Variants in SLC40A1 observed in about 807,000 individuals in gnomAD.
The protein encoded by SLC40A1 is solute carrier family 40 member 1.
Under a neutral mutation model 53.5 loss-of-function variants are expected in SLC40A1, and 16 were observed. The observed-to-expected ratio is 0.30, with a 90% CI of 0.20 to 0.45. The LOEUF is 0.45. SLC40A1 is among the 20% of genes least tolerant of loss of function. The pLI, the probability that SLC40A1 is intolerant of heterozygous loss-of-function variation, is 1.00. For synonymous variants in SLC40A1, 247 were observed against 253.2 expected, an observed-to-expected ratio of 0.98 and a Z score of 0.23; for missense variants, 545 against 695.4, an observed-to-expected ratio of 0.78 and a Z score of 2.43.
chr2:189,574,107 T>C (rs1045553857), intron 3 of SLC40A1, among the ~76,000 whole-genome samples: 5 of 152,182 alleles, frequency 3.3e-5, no homozygotes, highest in Admixed American at 6.5e-5. Context: ...TAAAGAGTAA[T>C]GTATGAGTTG....
Position 189,579,846 on chromosome 2 carries a change from G to A in SLC40A1, c.78C>T (p.Phe26=). ...SLADYLTSAK[F]LLYLGHSLST... ...AGAGAGAATGACCAAGGTAGAGAAG[G>A]AATTTTGCAGAGGTCAGGTAGTCGG... Residue 26 remains phenylalanine (F), a synonymous_variant, in exon 2 of 8, where the codon TTC becomes TTT. Coordinates refer to ENST00000261024, the MANE Select transcript of SLC40A1 (RefSeq NM_014585.6). 1.9e-6 allele frequency: 3 copies of A among 1,614,170 alleles called. No homozygotes were observed. Among genetic ancestry groups the A allele is most frequent in the East Asian group, 2.2e-5 (1 of 44,886 alleles).
intron 2 of SLC40A1, chr2:189,578,304 G>A (rs2031355540): frequency 1.0e-6 from 1 of 1,002,152 alleles, no homozygotes; most frequent in African/African-American, 1.7e-5. Flanking sequence ...TGTAGTTGCT[G>A]CTGTTTGTTT....
chr2:189,568,992 C>T (rs549647640), intron 5 of SLC40A1, among the ~76,000 whole-genome samples: 1 of 152,338 alleles, frequency 6.6e-6, no homozygotes, highest in Admixed American at 6.5e-5. Context: ...TCATAAAACA[C>T]TGTACTAAAT....
intron 3 of SLC40A1, among the ~76,000 whole-genome samples, chr2:189,574,097 T>C (rs2031217008): frequency 6.6e-6 from 1 of 152,198 alleles, no homozygotes; most frequent in Non-Finnish European, 1.5e-5. Context: ...ACATTTTTCA[T>C]AAAGAGTAAT....
At chr2:189,580,357 T>G in intron 1 of SLC40A1, 61 bp downstream of exon 1, 1 of 1,532,042 alleles carries the variant, frequency 6.5e-7, no homozygotes, top group Non-Finnish European at 9.0e-7. Context: ...TCGTGTAGAG[T>G]TGCTTGTCTC....
intron 7 of SLC40A1, 25 bp from the exon 8 acceptor site, chr2:189,562,216 A>G (rs1315368438): frequency 2.0e-6 from 3 of 1,536,302 alleles, no homozygotes; most frequent in Non-Finnish European, 2.7e-6. Context: ...TTTTTTAAAG[A>G]TTAGATTTTA....
chr2:189,569,310 T>C (rs2031048932), intron 5 of SLC40A1, among the ~76,000 whole-genome samples: 1 of 152,228 alleles, frequency 6.6e-6, no homozygotes, highest in South Asian at 2.1e-4. Context: ...TTTCACCCTC[T>C]AAACATATCA....
chr2:189,565,887 T>A (rs1052538604), intron 5 of SLC40A1, among the ~76,000 whole-genome samples: 2 of 152,322 alleles, frequency 1.3e-5, no homozygotes, highest in Non-Finnish European at 2.9e-5. Context: ...TCAACAAATA[T>A]ATCTTAAATG....
chr2:189,568,418 G>A (rs1415485102), intron 5 of SLC40A1, among the ~76,000 whole-genome samples: 3 of 152,182 alleles, frequency 2.0e-5, no homozygotes, highest in Non-Finnish European at 2.9e-5. Context: ...GAACCCAGGA[G>A]GCGGAGCTTG....
chr2:189,575,988 G>A (rs1007210988), intron 2 of SLC40A1, among the ~76,000 whole-genome samples: 3 of 152,134 alleles, frequency 2.0e-5, no homozygotes, highest in Non-Finnish European at 2.9e-5. Flanking sequence ...AAGTAGTTAC[G>A]TTAACATTTT....
chr2:189,575,231 C>A lies in SLC40A1; in HGVS notation c.201G>T (p.Val67=). The part of the protein sequence containing the change: ...SLLLTAVYGL[V]VAGSVLVLGA... ...CCAGGACCAGAACAGACCCTGCCAC[C>A]ACCAGCCCGTAGACTGCTGTCAAAA... The change falls in exon 3 of 8, where the codon GTG becomes GTT. Residue 67 remains valine (V), a synonymous_variant. Coordinates refer to ENST00000261024, the MANE Select transcript of SLC40A1 (RefSeq NM_014585.6). The A allele has an allele frequency of 6.2e-7, 1 of 1,614,182 alleles. No individual in the cohort carries two copies. Among genetic ancestry groups the A allele is most frequent in the Non-Finnish European group, 8.5e-7 (1 of 1,180,004 alleles).
rs13420166 is a variant in SLC40A1, at chr2:189,575,597, C to G, written c.112-277G>C. Among the ~76,000 whole-genome samples, 510 of 152,316 alleles carry G rather than the reference C, an allele frequency of 3.3e-3. 1 individual carries two copies. The highest frequency in any genetic ancestry group is 0.012 in the African/African-American group (492 of 41,578). ...CATTCTAGAAACAAAATGCAGTTTCCAGACCCAAGATGGCTTTTTGAGACA... is the reference window on the plus strand; with the variant it reads ...CATTCTAGAAACAAAATGCAGTTTCGAGACCCAAGATGGCTTTTTGAGACA... On this transcript the variant is annotated intron_variant, in intron 2 of 7. Coordinates refer to ENST00000261024, the MANE Select transcript of SLC40A1 (RefSeq NM_014585.6).
At chr2:189,570,581 C>G (rs2031094395) in intron 5 of SLC40A1, among the ~76,000 whole-genome samples, 1 of 152,154 alleles carries the variant, frequency 6.6e-6, no homozygotes, top group Non-Finnish European at 1.5e-5. Flanking sequence ...TACAGATTCA[C>G]ACATGCTAAA....
At position 189,580,638 on chromosome 2, in the gene SLC40A1, G is replaced by A; in HGVS notation, c.-178C>T. ...AAGAACAAAAGAAAAGGGGCCCAGG[G>A]ATTTTCTTTTTTCCTTCTTTCCAAA... On this transcript the variant is annotated 5_prime_UTR_variant, in exon 1 of 8. Coordinates refer to ENST00000261024, the MANE Select transcript of SLC40A1 (RefSeq NM_014585.6). The A allele has an allele frequency of 2.0e-6, 3 of 1,526,422 alleles. No individual in the cohort carries two copies. Among genetic ancestry groups the A allele is most frequent in the Non-Finnish European group, 8.8e-7 (1 of 1,142,404 alleles). 94.6% of individuals were successfully genotyped at this position (1,526,422 alleles called of 1,614,324 possible).
intron 5 of SLC40A1, among the ~76,000 whole-genome samples, chr2:189,570,064 GTA>G (rs1193243545): frequency 6.7e-6 from 1 of 148,220 alleles, no homozygotes; most frequent in Admixed American, 6.8e-5. Flanking sequence ...ATATATGTAT[GTA>G]TATATATACA....
In SLC40A1 at chr2:189,578,264, G is replaced by A; in HGVS notation, c.111+1549C>T. 3.0e-6 allele frequency: 3 copies of A among 1,000,674 alleles called. No individual in the cohort carries two copies. The South Asian group carries it at 1.4e-4, about 47-fold the overall frequency. The allele number at this position is 1,000,674 out of a possible 1,614,324, so 62.0% of individuals were successfully genotyped here. ...CTTTTGCACTCCTTTGCAGCGGAAAGGAGTAAAAATCCACTAAACCTTATA... is the reference window on the plus strand; with the variant it reads ...CTTTTGCACTCCTTTGCAGCGGAAAAGAGTAAAAATCCACTAAACCTTATA... On this transcript the variant is annotated intron_variant, in intron 2 of 7. Coordinates refer to ENST00000261024, the MANE Select transcript of SLC40A1 (RefSeq NM_014585.6).
intron 7 of SLC40A1, 124 bp downstream of exon 7, chr2:189,563,460 T>C: frequency 1.3e-6 from 1 of 758,638 alleles, no homozygotes; most frequent in Non-Finnish European, 2.1e-6. Flanking sequence ...AAAAATTTCG[T>C]AAGAGTGGAT....
intron 4 of SLC40A1, among the ~76,000 whole-genome samples, chr2:189,572,351 A>G (rs1216332623): frequency 6.6e-6 from 1 of 152,136 alleles, no homozygotes; most frequent in African/African-American, 2.4e-5. Flanking sequence ...ATCCACATAT[A>G]CACAAGAAGA....
At chr2:189,563,288 A>C (rs865949347) in intron 7 of SLC40A1, among the ~76,000 whole-genome samples, 9 of 150,174 alleles carry the variant, frequency 6.0e-5, no homozygotes, top group East Asian at 5.8e-4. Flanking sequence ...AAAAAAAAAA[A>C]CAAAAAAAAA....
Sources: allele counts gnomAD v4.1 joint callset (sites outside exome capture counted in the v4.1 genomes callset), GRCh38; gene constraint gnomAD v4.1.1; transcripts MANE v1.5; gene names NCBI Gene and HGNC (gene_info 2026-07-23, HGNC 2026-07-21).